Variants in GALNT10 observed in about 807,000 individuals in gnomAD.
The protein encoded by GALNT10 is GalNAc transferase 10.
GALNT10 carries 41 observed loss-of-function variants against 75.0 expected under a neutral mutation model. The ratio of observed to expected loss-of-function variants is 0.55; its 90% CI spans 0.43 to 0.71. The LOEUF (loss-of-function observed/expected upper bound fraction) is 0.71, where lower values mean the gene tolerates loss of function less well. Ranked by LOEUF, GALNT10 falls within the 30% of genes least tolerant of loss-of-function variation. GALNT10 has a pLI of 0.00. For missense variants in GALNT10, 727 were observed against 818.5 expected, an observed-to-expected ratio of 0.89 and a Z score of 1.36; for synonymous variants, 302 against 313.0, an observed-to-expected ratio of 0.96 and a Z score of 0.37.
At chr5:154,219,072 C>A (rs1042741525) in intron 1 of GALNT10, among the ~76,000 whole-genome samples, 1 of 152,174 alleles carries the variant, frequency 6.6e-6, no homozygotes, top group African/African-American at 2.4e-5. Context: ...TATGGCTGCT[C>A]AGGCCCTGCT....
At position 154,419,291 on chromosome 5, in the gene GALNT10, C is replaced by A. The variant is rs1756582133; in HGVS notation, c.*2319C>A. On this transcript the variant is annotated 3_prime_UTR_variant, in exon 12 of 12. Transcript: ENST00000297107. ...TGCGTTTAGTCTGTGGCCTAGAAGA[C>A]CTCATCAGCCCCCGAGAGGAGGCCT... The A allele has an allele frequency of 6.6e-6, 1 of 152,204 alleles. No homozygotes were observed. The highest frequency in any genetic ancestry group is 2.4e-5 in the African/African-American group (1 of 41,430). The allele number at this position is 152,204 out of a possible 1,614,324, so 9.4% of individuals were successfully genotyped here. A position where few individuals can be genotyped will look rare whatever the true frequency, so the allele number is the denominator to read the frequency against.
rs1351002293 is a variant in GALNT10, at chr5:154,390,258, C to T, written c.1056+3828C>T. ...GTTTTAAAGGCAAAACAGGATAGAA[C>T]GCATGGCCCCCCATGTCTCTCGCCT... is the stretch of plus-strand genomic sequence containing the variant. On this transcript the variant is annotated intron_variant, in intron 7 of 11. Transcript: ENST00000297107. Among the ~76,000 whole-genome samples, 3 of 150,318 alleles carry T rather than the reference C, an allele frequency of 2.0e-5. 1 individual carries two copies. Among genetic ancestry groups the T allele is most frequent in the Non-Finnish European group, 4.4e-5 (3 of 67,850 alleles).
intron 6 of GALNT10, among the ~76,000 whole-genome samples, chr5:154,385,227 A>G (rs1755791110): frequency 6.6e-6 from 1 of 152,122 alleles, no homozygotes; most frequent in Non-Finnish European, 1.5e-5. Flanking sequence ...AGCTTTTCAC[A>G]CAGCAAACGC....
At chr5:154,221,495 G>A (rs191987049) in intron 1 of GALNT10, among the ~76,000 whole-genome samples, 1 of 152,246 alleles carries the variant, frequency 6.6e-6, no homozygotes, top group Non-Finnish European at 1.5e-5. Context: ...AAACTCAGCC[G>A]CTCCTATTCC....
In GALNT10 at chr5:154,337,770, C is replaced by T. The variant is rs187634542; in HGVS notation, c.568+8032C>T. On this transcript the variant is annotated intron_variant, in intron 4 of 11. Coordinates refer to ENST00000297107, the MANE Select transcript of GALNT10 (RefSeq NM_198321.4). Reference sequence around the variant, plus strand: ...AAAGCCACCACAACCACTGAAGTTTCATCCATGACCAAAGTTGTCATTCCC... The same window carrying T: ...AAAGCCACCACAACCACTGAAGTTTTATCCATGACCAAAGTTGTCATTCCC... The T allele has an allele frequency of 4.1e-4, 458 of 1,105,476 alleles. No homozygotes were observed. The African/African-American group carries it at 6.2e-3, about 15-fold the overall frequency. 68.5% of individuals were successfully genotyped at this position (1,105,476 alleles called of 1,614,324 possible).
intron 3 of GALNT10, among the ~76,000 whole-genome samples, chr5:154,306,540 G>A (rs1754435595): frequency 1.3e-5 from 2 of 152,126 alleles, no homozygotes; most frequent in Non-Finnish European, 2.9e-5. Context: ...TACATAAGGG[G>A]AAATTTGTAG....
chr5:154,243,314 A>G (rs1323209211), intron 1 of GALNT10, among the ~76,000 whole-genome samples: 1 of 152,244 alleles, frequency 6.6e-6, no homozygotes, highest in Non-Finnish European at 1.5e-5. Context: ...TGCAGTTCCC[A>G]TAACAGACAG....
chr5:154,212,735 G>A (rs985455649), intron 1 of GALNT10, among the ~76,000 whole-genome samples: 60 of 152,268 alleles, frequency 3.9e-4, no homozygotes, highest in African/African-American at 1.3e-3. Context: ...TTGGGAGGCC[G>A]AGGCGGGCAG....
At chr5:154,388,507 C>T (rs1300156172) in intron 7 of GALNT10, 1 of 152,136 alleles carries the variant, frequency 6.6e-6, no homozygotes, top group East Asian at 1.9e-4. Flanking sequence ...ACCAGGAAGG[C>T]AAGCAAAGCT....
At chr5:154,202,268 G>A (rs902077329) in intron 1 of GALNT10, among the ~76,000 whole-genome samples, 7 of 152,196 alleles carry the variant, frequency 4.6e-5, no homozygotes, top group Admixed American at 3.3e-4. Context: ...CCCTCTGCCC[G>A]CCATTTCAAG....
chr5:154,266,472 C>G (rs893061331), intron 1 of GALNT10, among the ~76,000 whole-genome samples: 1 of 151,644 alleles, frequency 6.6e-6, no homozygotes, highest in African/African-American at 2.4e-5. Flanking sequence ...TCCTATGAAC[C>G]CTTTACCTAG....
intron 7 of GALNT10, among the ~76,000 whole-genome samples, chr5:154,401,092 C>T (rs957428421): frequency 3.3e-5 from 5 of 152,214 alleles, no homozygotes; most frequent in African/African-American, 1.2e-4. Context: ...CCTCAAGCCT[C>T]CCGACATATC....
intron 1 of GALNT10, among the ~76,000 whole-genome samples, chr5:154,213,096 G>A (rs1196792380): frequency 6.6e-6 from 1 of 152,144 alleles, no homozygotes; most frequent in Non-Finnish European, 1.5e-5. Context: ...TCTGTAATAT[G>A]CATATAAAAC....
chr5:154,201,146 A>G (rs1420113450), intron 1 of GALNT10, among the ~76,000 whole-genome samples: 3 of 152,130 alleles, frequency 2.0e-5, no homozygotes, highest in East Asian at 3.8e-4. Flanking sequence ...AAACCTGGGC[A>G]CTTCACCCTT....
At chr5:154,360,029 G>A (rs1755359300) in intron 4 of GALNT10, among the ~76,000 whole-genome samples, 2 of 151,960 alleles carry the variant, frequency 1.3e-5, no homozygotes, top group Admixed American at 6.6e-5. Flanking sequence ...ATGAGCATAC[G>A]TAAAGATGCT....
intron 6 of GALNT10, among the ~76,000 whole-genome samples, chr5:154,383,222 G>T (rs6872823): frequency 0.088 from 13,362 of 152,106 alleles, 1,369 homozygotes; most frequent in African/African-American, 0.25. Context: ...AGAAATTCTG[G>T]TCATTTTCTG....
chr5:154,404,193 C>G lies in GALNT10; in HGVS notation c.1146C>G (p.Ala382=). Residue 382 remains alanine, a synonymous_variant, in exon 8 of 12, where the codon GCC becomes GCG. Coordinates refer to ENST00000297107, the MANE Select transcript of GALNT10 (RefSeq NM_198321.4). ...YRKYVPYKVP[A]GVSLARNLKR... The stretch of plus-strand genomic sequence containing the variant: ...AGTATGTGCCCTACAAGGTCCCGGC[C>G]GGAGTCAGCCTGGCCCGGGTAAGGT... 2 of 1,601,438 alleles carry G rather than the reference C, an allele frequency of 1.2e-6. No individual in the cohort carries two copies. The highest frequency in any genetic ancestry group is 1.7e-6 in the Non-Finnish European group (2 of 1,172,328).
chr5:154,414,328 T>C (rs1756461246), intron 10 of GALNT10, among the ~76,000 whole-genome samples: 1 of 152,188 alleles, frequency 6.6e-6, no homozygotes, highest in South Asian at 2.1e-4. Flanking sequence ...GCAGGTTTAT[T>C]TGTAATAGCC....
intron 7 of GALNT10, among the ~76,000 whole-genome samples, chr5:154,400,996 C>T (rs1386706603): frequency 1.3e-5 from 2 of 152,178 alleles, no homozygotes; most frequent in Non-Finnish European, 1.5e-5. Context: ...GCCACCAGGG[C>T]ATCCTGTGCT....
Sources: gnomAD v4.1 joint callset for allele counts (sites outside exome capture counted in the v4.1 genomes callset) on GRCh38, gnomAD v4.1.1 for gene constraint, MANE v1.5 for transcripts, NCBI Gene and HGNC (gene_info 2026-07-23, HGNC 2026-07-21) for gene names.